The following KSR2 variants were observed in gnomAD, a reference collection of about 807,000 sequenced individuals.
KSR2 encodes the protein kinase suppressor of ras 2.
Under a neutral mutation model 107.8 loss-of-function variants are expected in KSR2, and 25 were observed. That is an observed-to-expected ratio of 0.23 (90% CI 0.17 to 0.32). The LOEUF (loss-of-function observed/expected upper bound fraction) is 0.32, where lower values mean the gene tolerates loss of function less well. KSR2 is among the 10% of genes least tolerant of loss of function. The pLI, the probability that KSR2 is intolerant of heterozygous loss-of-function variation, is 1.00. For missense variants in KSR2, 887 were observed against 1,268.9 expected, an observed-to-expected ratio of 0.70 and a Z score of 4.57; for synonymous variants, 480 against 507.0, an observed-to-expected ratio of 0.95 and a Z score of 0.71.
At chr12:117,657,058 C>T (rs936077920) in intron 5 of KSR2, among the ~76,000 whole-genome samples, 5 of 140,944 alleles carry the variant, frequency 3.5e-5, no homozygotes, top group South Asian at 2.3e-4. Context: ...ACTAATACTG[C>T]GAAACTCTCC....
At chr12:117,678,098 G>A (rs1256238934) in intron 4 of KSR2, among the ~76,000 whole-genome samples, 1 of 128,774 alleles carries the variant, frequency 7.8e-6, no homozygotes, top group Non-Finnish European at 1.6e-5. Flanking sequence ...CCAAAGCCCA[G>A]CTAATTTTTT....
intron 19 of KSR2, among the ~76,000 whole-genome samples, chr12:117,468,260 C>T (rs1213677368): frequency 2.0e-5 from 3 of 152,236 alleles, no homozygotes; most frequent in Non-Finnish European, 2.9e-5. Context: ...GTGCTCTACA[C>T]GTGGCCACAT....
At chr12:117,773,136 T>C (rs1406446500) in intron 3 of KSR2, among the ~76,000 whole-genome samples, 3 of 152,226 alleles carry the variant, frequency 2.0e-5, no homozygotes, top group Non-Finnish European at 4.4e-5. Context: ...ATCCTCTTTT[T>C]AATAAAGTCT....
At chr12:117,690,147 C>A (rs1435564915) in intron 4 of KSR2, among the ~76,000 whole-genome samples, 1 of 152,180 alleles carries the variant, frequency 6.6e-6, no homozygotes, top group Admixed American at 6.5e-5. Context: ...AGTCTTCCAA[C>A]CTCTGGTTTA....
intron 1 of KSR2, among the ~76,000 whole-genome samples, chr12:117,945,983 T>C (rs1041246318): frequency 6.6e-6 from 1 of 151,956 alleles, no homozygotes; most frequent in African/African-American, 2.4e-5. Flanking sequence ...AAAACATGCA[T>C]CAAAGAGGAA....
At chr12:117,772,679 TCACA>T (rs904254093) in intron 3 of KSR2, among the ~76,000 whole-genome samples, 2 of 117,932 alleles carry the variant, frequency 1.7e-5, no homozygotes, top group Non-Finnish European at 3.6e-5. Flanking sequence ...GCACACACAC[TCACA>T]CATACACACC....
At chr12:117,937,318 T>G (rs1374265480) in intron 1 of KSR2, among the ~76,000 whole-genome samples, 2 of 152,162 alleles carry the variant, frequency 1.3e-5, no homozygotes, top group African/African-American at 2.4e-5. Flanking sequence ...TTCAAATGTA[T>G]TTCCGTTTCA....
chr12:117,615,757 T>A (rs1200421602), intron 5 of KSR2, among the ~76,000 whole-genome samples: 1 of 152,208 alleles, frequency 6.6e-6, no homozygotes, highest in Admixed American at 6.5e-5. Context: ...GAGGGACACT[T>A]ATCCAAAACT....
At chr12:117,958,786 G>A (rs939595012) in intron 1 of KSR2, among the ~76,000 whole-genome samples, 1 of 152,060 alleles carries the variant, frequency 6.6e-6, no homozygotes, top group Non-Finnish European at 1.5e-5. Context: ...ACGCCACTGC[G>A]CTCCAGCCTG....
chr12:117,902,495 T>TTA (rs542370990), intron 1 of KSR2, among the ~76,000 whole-genome samples: 11,018 of 102,578 alleles, frequency 0.11, 642 homozygotes, highest in East Asian at 0.15. Flanking sequence ...GACTCTGTCT[T>TTA]AAAAAAAAAA....
Position 117,889,292 on chromosome 12 carries a change from C to T in KSR2, c.181-28861G>A, listed in dbSNP as rs566250552. The stretch of plus-strand genomic sequence containing the variant: ...GGTTATTATTAGCAGGGCGAGCAGC[C>T]GGGTGTGGAGGGGACCAGCTGTGAA... On this transcript the variant is annotated intron_variant, in intron 1 of 19. Transcript: ENST00000339824. 5.9e-5 allele frequency among the ~76,000 whole-genome samples: 9 copies of T among 152,182 alleles called. No homozygotes were observed. The South Asian group carries it at 1.0e-3, about 18-fold the overall frequency.
intron 3 of KSR2, among the ~76,000 whole-genome samples, chr12:117,794,014 G>A (rs1356748505): frequency 1.4e-5 from 1 of 71,352 alleles, no homozygotes. Flanking sequence ...ACACCAACAT[G>A]CACACTCACA....
chr12:117,781,970 T>C (rs1437606500), intron 3 of KSR2, among the ~76,000 whole-genome samples: 1 of 152,226 alleles, frequency 6.6e-6, no homozygotes, highest in African/African-American at 2.4e-5. Context: ...ACTAAGCATG[T>C]TTAGATACTA....
At position 117,866,038 on chromosome 12, in the gene KSR2, C is replaced by CT. The variant is rs397838492; in HGVS notation, c.181-5608dup. On this transcript the variant is annotated intron_variant, in intron 1 of 19. Transcript: ENST00000339824. ...CTCTGTAACACTTGCTAATCTCTCT[C>CT]TTTTTTTTTTTTTTTTGAAACAAAT... is the stretch of plus-strand genomic sequence containing the variant. Among the ~76,000 whole-genome samples, 356 of 124,196 alleles carry CT rather than the reference C, an allele frequency of 2.9e-3. 5 individuals carry two copies. The highest frequency in any genetic ancestry group is 0.02 in the South Asian group (83 of 4,164). 81.5% of individuals were successfully genotyped at this position (124,196 alleles called of 152,430 possible).
intron 4 of KSR2, among the ~76,000 whole-genome samples, chr12:117,736,379 G>A (rs1459388386): frequency 6.6e-6 from 1 of 152,174 alleles, no homozygotes; most frequent in Admixed American, 6.5e-5. Flanking sequence ...CTTCTGGCAA[G>A]AGCCTGCCCC....
chr12:117,941,059 T>G (rs1895989926), intron 1 of KSR2, among the ~76,000 whole-genome samples: 1 of 152,134 alleles, frequency 6.6e-6, no homozygotes, highest in Admixed American at 6.5e-5. Flanking sequence ...CATGCCAACC[T>G]GGGTGACAGA....
At chr12:117,707,343 T>G (rs566683349) in intron 4 of KSR2, among the ~76,000 whole-genome samples, 1 of 152,234 alleles carries the variant, frequency 6.6e-6, no homozygotes, top group East Asian at 1.9e-4. Context: ...TGTACAACTT[T>G]GTTAATATAC....
chr12:117,543,624 G>T (rs1876653078), intron 9 of KSR2, among the ~76,000 whole-genome samples: 1 of 152,130 alleles, frequency 6.6e-6, no homozygotes, highest in African/African-American at 2.4e-5. Context: ...ACCTATATAT[G>T]AATTTTGAGA....
intron 4 of KSR2, among the ~76,000 whole-genome samples, chr12:117,705,103 T>G (rs1886471759): frequency 6.6e-6 from 1 of 151,758 alleles, no homozygotes; most frequent in Admixed American, 6.6e-5. Context: ...GGACTTAGAG[T>G]CCATCCTATA....
Sources: gnomAD v4.1 joint callset for allele counts (sites outside exome capture counted in the v4.1 genomes callset) on GRCh38, gnomAD v4.1.1 for gene constraint, MANE v1.5 for transcripts, NCBI Gene and HGNC (gene_info 2026-07-23, HGNC 2026-07-21) for gene names.